The following ZNF521 variants were observed in gnomAD, a reference collection of about 807,000 sequenced individuals.
The protein encoded by ZNF521 is zinc finger protein 521, also known as LYST-interacting protein 3.
ZNF521 carries 14 observed loss-of-function variants against 105.5 expected under a neutral mutation model. The ratio of observed to expected loss-of-function variants is 0.13; its 90% CI spans 0.09 to 0.21. The LOEUF (loss-of-function observed/expected upper bound fraction) is 0.21, where lower values mean the gene tolerates loss of function less well. Among genes scored for constraint, ZNF521 ranks in the 10% least tolerant of loss-of-function variants. The pLI is 1.00. For missense variants in ZNF521, 1,233 were observed against 1,629.7 expected (o/e 0.76, Z 4.19); for synonymous variants, 635 against 606.0 (o/e 1.05, Z -0.70).
chr18:25,165,002 C>T (rs1375888493), intron 5 of ZNF521, among the ~76,000 whole-genome samples: 9 of 152,160 alleles, frequency 5.9e-5, no homozygotes, highest in African/African-American at 1.9e-4. Context: ...CTTTCGTGTT[C>T]GTGTGTGGCT....
chr18:25,221,547 T>C (rs935372559), intron 4 of ZNF521, among the ~76,000 whole-genome samples: 5 of 152,208 alleles, frequency 3.3e-5, no homozygotes, highest in African/African-American at 1.2e-4. Context: ...GATTTTCTTT[T>C]CACTTCTGGA....
intron 2 of ZNF521, among the ~76,000 whole-genome samples, chr18:25,349,912 C>T (rs143268052): frequency 0.22 from 33,033 of 151,172 alleles, 3,842 homozygotes; most frequent in African/African-American, 0.25. Flanking sequence ...GCCCCTCCTC[C>T]GGCCCTCGCG....
chr18:25,066,601 T>C (rs2144104910), intron 7 of ZNF521, among the ~76,000 whole-genome samples: 1 of 152,242 alleles, frequency 6.6e-6, no homozygotes, highest in Non-Finnish European at 1.5e-5. Context: ...CATTATTTCT[T>C]TAGAAAGGGA....
chr18:25,157,125 G>A (rs1200830373), intron 5 of ZNF521, among the ~76,000 whole-genome samples: 1 of 152,114 alleles, frequency 6.6e-6, no homozygotes, highest in Admixed American at 6.6e-5. Context: ...TTGAACCTGG[G>A]AGGCGGAGTT....
At chr18:25,313,316 G>A (rs911691965) in intron 3 of ZNF521, among the ~76,000 whole-genome samples, 2 of 151,314 alleles carry the variant, frequency 1.3e-5, no homozygotes, top group Non-Finnish European at 3.0e-5. Flanking sequence ...TTTGACAACT[G>A]ATTTTTAAAA....
chr18:25,333,331 T>TATATAC (rs1913695077), intron 2 of ZNF521, among the ~76,000 whole-genome samples: 1 of 150,708 alleles, frequency 6.6e-6, no homozygotes, highest in East Asian at 1.9e-4. Flanking sequence ...TATATATATA[T>TATATAC]ATACACACAT....
At chr18:25,083,305 C>A (rs1250179102) in intron 7 of ZNF521, among the ~76,000 whole-genome samples, 1 of 152,100 alleles carries the variant, frequency 6.6e-6, no homozygotes, top group African/African-American at 2.4e-5. Flanking sequence ...TAACATGAAA[C>A]CATGTCCAGA....
intron 7 of ZNF521, among the ~76,000 whole-genome samples, chr18:25,074,054 A>ATG (rs552354612): frequency 0.14 from 20,440 of 144,854 alleles, 1,468 homozygotes; most frequent in African/African-American, 0.18. Flanking sequence ...GTCTGTGCAC[A>ATG]TGTGTGCGCA....
chr18:25,151,235 T>TAG (rs1458119160), intron 5 of ZNF521, among the ~76,000 whole-genome samples: 5 of 152,176 alleles, frequency 3.3e-5, no homozygotes, highest in Admixed American at 6.5e-5. Flanking sequence ...ATCCATGCTT[T>TAG]AGATACACTC....
At chr18:25,294,056 C>G (rs954711120) in intron 3 of ZNF521, among the ~76,000 whole-genome samples, 1 of 152,094 alleles carries the variant, frequency 6.6e-6, no homozygotes, top group Non-Finnish European at 1.5e-5. Context: ...GAAGTTGCAA[C>G]TTTGATCCAT....
In ZNF521 at chr18:25,212,711, CAA is replaced by C. The variant is rs138318587; in HGVS notation, c.3573+11632_3573+11633del. 5.9e-3 allele frequency among the ~76,000 whole-genome samples: 895 copies of C among 150,608 alleles called. 8 individuals carry two copies. The highest frequency in any genetic ancestry group is 0.02 in the African/African-American group (832 of 41,170). ...AACAAGTTATATCTGATCATTTATT[CAA>C]GTCTTTTAAAATATTTCAGTAATGT... On this transcript the variant is annotated intron_variant, in intron 4 of 7. Transcript: ENST00000361524.
intron 5 of ZNF521, among the ~76,000 whole-genome samples, chr18:25,144,439 A>G (rs1347925700): frequency 6.6e-6 from 1 of 152,186 alleles, no homozygotes; most frequent in Non-Finnish European, 1.5e-5. Context: ...AGATTTGATG[A>G]ATCTATCTTA....
chr18:25,191,866 T>C (rs143164836), intron 5 of ZNF521, among the ~76,000 whole-genome samples: 21 of 152,200 alleles, frequency 1.4e-4, no homozygotes, highest in East Asian at 5.8e-4. Context: ...AACAGACAGC[T>C]CAGAGAGGAA....
In ZNF521 at chr18:25,226,716, G is replaced by C. The variant is rs2144738999; in HGVS notation, c.1202C>G (p.Ala401Gly). ...GTAAATACAGCTGTAGGTAACTTTTGCTTGTTTACTCGAGGGACCAGTCAT... is the reference window on the plus strand; with the variant it reads ...GTAAATACAGCTGTAGGTAACTTTTCCTTGTTTACTCGAGGGACCAGTCAT... ...PDMTGPSSKQ[A>G]KVTYSCIYCN... Residue 401 changes from alanine to glycine, a missense_variant, in exon 4 of 8, where the codon GCA becomes GGA. By Grantham distance (60) the Ala-to-Gly change is moderately conservative (BLOSUM62 0). This residue lies in a region of ZNF521 where 380 missense variants were observed against 478.0 expected (regional missense o/e 0.80). Transcript: ENST00000361524. This position sits in a 1 kb window ranked among gnomAD's most constrained non-coding sequence, Gnocchi z 4.1. The C allele has an allele frequency of 6.2e-7, 1 of 1,614,128 alleles. No homozygotes were observed. Among genetic ancestry groups the C allele is most frequent in the Middle Eastern group, 1.6e-4 (1 of 6,062 alleles).
At chr18:25,095,572 A>G (rs1217218303) in intron 5 of ZNF521, among the ~76,000 whole-genome samples, 2 of 152,102 alleles carry the variant, frequency 1.3e-5, no homozygotes, top group East Asian at 1.9e-4. Flanking sequence ...ATTTTCTACA[A>G]TGAGCACAAT....
chr18:25,066,267 C>T (rs182593013), intron 7 of ZNF521, among the ~76,000 whole-genome samples: 9 of 152,310 alleles, frequency 5.9e-5, no homozygotes, highest in African/African-American at 2.2e-4. Context: ...GCTTCTTGGG[C>T]AATGGATATA....
intron 3 of ZNF521, among the ~76,000 whole-genome samples, chr18:25,268,142 G>A (rs1040802410): frequency 2.6e-5 from 4 of 152,168 alleles, no homozygotes; most frequent in African/African-American, 9.7e-5. Context: ...GCATGTACAA[G>A]TATCAATAGC....
chr18:25,081,092 C>A (rs1244100975), intron 7 of ZNF521, among the ~76,000 whole-genome samples: 4 of 143,476 alleles, frequency 2.8e-5, no homozygotes, highest in Non-Finnish European at 4.6e-5. Context: ...CAGAGCCCAG[C>A]CAAAGCAGAA....
At chr18:25,121,735 G>A (rs774508756) in intron 5 of ZNF521, among the ~76,000 whole-genome samples, 4 of 151,944 alleles carry the variant, frequency 2.6e-5, no homozygotes, top group Non-Finnish European at 4.4e-5. Flanking sequence ...TCAGTAGTGC[G>A]GAAAAATTAG....
Sources: allele counts gnomAD v4.1 joint callset (sites outside exome capture counted in the v4.1 genomes callset), GRCh38; gene constraint gnomAD v4.1.1; regional missense constraint gnomAD v4.1.1; non-coding constraint Gnocchi (gnomAD v3.1); transcripts MANE v1.5; gene names NCBI Gene and HGNC (gene_info 2026-07-23, HGNC 2026-07-21).